POMC: variants seen among roughly 807,000 people sequenced by gnomAD.
POMC encodes the protein proopiomelanocortin.
Under a neutral mutation model 18.5 loss-of-function variants are expected in POMC, and 19 were observed. The observed-to-expected ratio is 1.03, with a 90% confidence interval of 0.72 to 1.51. POMC has a LOEUF of 1.51. Among genes scored for constraint, POMC ranks in the 40% most tolerant of loss-of-function variants. POMC has a pLI of 0.00. For synonymous variants in POMC, 179 were observed against 161.9 expected (o/e 1.11, Z -0.80); for missense variants, 451 against 379.0 (o/e 1.19, Z -1.58).
chr2:25,164,746 C>T lies in POMC; in HGVS notation c.27G>A (p.Ser9=), dbSNP rs1290591900. ...GCAGCAAGGCCAGCAACAGGGCCCC[C>T]GAGCGGCTGCAGCACGATCTCGGCA... MPRSCCSR[S]GALLLALLLQ... Residue 9 remains serine, a synonymous_variant, in exon 2 of 3, where the codon TCG becomes TCA. Coordinates refer to ENST00000395826, the MANE Select transcript of POMC (RefSeq NM_000939.4). The T allele has an allele frequency of 1.1e-5, 18 of 1,614,070 alleles. No individual in the cohort carries two copies. The highest frequency in any genetic ancestry group is 2.2e-5 in the South Asian group (2 of 91,078).
chr2:25,161,289 G>C lies in POMC; in HGVS notation c.596C>G (p.Ala199Gly). Reference sequence around the variant, plus strand: ...GTGCTCCAGGTCGGCCTGGGCCCCTGCGCCGTCATCGGCAGGGCCGTCGGG... The same window carrying C: ...GTGCTCCAGGTCGGCCTGGGCCCCTCCGCCGTCATCGGCAGGGCCGTCGGG... Reference protein sequence around the residue: ...DGPDGPADDGAGAQADLEHSL... With the variant: ...DGPDGPADDGGGAQADLEHSL... Residue 199 changes from alanine to glycine, a missense_variant, in exon 3 of 3, where the codon GCA (alanine) becomes GGA (glycine). By Grantham distance (60) the Ala-to-Gly change is moderately conservative (BLOSUM62 0). Transcript: ENST00000395826. The surrounding 1 kb of genome is among the most constrained non-coding windows in gnomAD (Gnocchi z 5.7). The C allele has an allele frequency of 1.9e-6, 3 of 1,611,360 alleles. No homozygotes were observed.
rs1195265117 is a variant in POMC at position 25,161,683 on chromosome 2, G to T, written c.202C>A (p.Gln68Lys). The change falls in exon 3 of 3, where the codon CAG (glutamine) becomes AAG (lysine). Residue 68 changes from glutamine (Q) to lysine (K), a missense_variant. Gln to Lys is a moderately conservative substitution (Grantham distance 53, BLOSUM62 1). Transcript: ENST00000395826. This position sits in a 1 kb window ranked among gnomAD's most constrained non-coding sequence, Gnocchi z 5.7. ...TPMFPGNGDE[Q>K]PLTENPRKYV... is the part of the protein sequence containing the mutation. ...TTCCGGGGGTTCTCGGTCAGAGGCT[G>T]CTCGTCGCCATTTCCCGGGAACATG... 2 of 1,574,860 alleles carry T rather than the reference G, an allele frequency of 1.3e-6. No individual in the cohort carries two copies. Among genetic ancestry groups the T allele is most frequent in the Non-Finnish European group, 8.6e-7 (1 of 1,161,392 alleles).
Position 25,164,683 on chromosome 2 carries a change from C to T in POMC, c.90G>A (p.Glu30=). The T allele has an allele frequency of 6.2e-7, 1 of 1,614,214 alleles. No individual in the cohort carries two copies. The highest frequency in any genetic ancestry group is 8.5e-7 in the Non-Finnish European group (1 of 1,180,046). Residue 30 remains glutamate, a synonymous_variant, in exon 2 of 3, where the codon GAG becomes GAA. Coordinates refer to ENST00000395826, the MANE Select transcript of POMC (RefSeq NM_000939.4). ...ASMEVRGWCL[E]SSQCQDLTTE... ...TGGTGAGGTCCTGACACTGGCTGCT[C>T]TCCAGGCACCAGCCACGCACTTCCA...
chr2:25,164,568 C>G, intron 2 of POMC, 73 bp downstream of exon 2: 1 of 1,608,152 alleles, frequency 6.2e-7, no homozygotes, highest in South Asian at 1.1e-5. Context: ...TCCCCACACC[C>G]TTTTCTTTTG....
intron 2 of POMC, among the ~76,000 whole-genome samples, chr2:25,163,880 A>C (rs574990704): frequency 3.3e-5 from 5 of 152,204 alleles, no homozygotes; most frequent in African/African-American, 1.2e-4. Context: ...CCACCTTAGC[A>C]TCTAAAAGTG....
intron 2 of POMC, among the ~76,000 whole-genome samples, chr2:25,163,524 T>C (rs1671459961): frequency 6.6e-6 from 1 of 152,226 alleles, no homozygotes; most frequent in Admixed American, 6.5e-5. Context: ...ATTGACAAAA[T>C]ACACAGAATG....
Position 25,161,188 on chromosome 2 carries a change from T to G in POMC, c.697A>C (p.Lys233Gln). Residue 233 changes from lysine (K) to glutamine (Q), a missense_variant, in exon 3 of 3, where the codon AAG (lysine) becomes CAG (glutamine). Lys to Gln is a moderately conservative substitution (Grantham distance 53, BLOSUM62 1). Coordinates refer to ENST00000395826, the MANE Select transcript of POMC (RefSeq NM_000939.4). The surrounding 1 kb of genome is among the most constrained non-coding windows in gnomAD (Gnocchi z 5.7). ...ATGAAACCGCCGTAGCGCTTGTCCT[T>G]GGGCGGGCTGCCCCAGCGGAAGTGC... ...MEHFRWGSPP[K>Q]DKRYGGFMTS... The G allele has an allele frequency of 6.2e-7, 1 of 1,613,740 alleles. No individual in the cohort carries two copies. The highest frequency in any genetic ancestry group is 8.5e-7 in the Non-Finnish European group (1 of 1,179,998).
rs1205408098 is a variant in POMC, at chr2:25,168,215, G to A, written c.-21+283C>T. Among the ~76,000 whole-genome samples the A allele has an allele frequency of 6.6e-6, 1 of 151,926 alleles. No homozygotes were observed. The highest frequency in any genetic ancestry group is 1.5e-5 in the Non-Finnish European group (1 of 68,000). On this transcript the variant is annotated intron_variant, in intron 1 of 2. Coordinates refer to ENST00000395826, the MANE Select transcript of POMC (RefSeq NM_000939.4). This position sits in a 1 kb window ranked among gnomAD's most constrained non-coding sequence, Gnocchi z 5.2. ...TCCTAGCAAGCTCTCGGAGCCTCCG[G>A]ACCGCCGCGAGCCCCTGGGGGAGAG...
In POMC at chr2:25,161,693, A is replaced by G; in HGVS notation, c.192T>C (p.Asn64=). 6 of 1,583,416 alleles carry G rather than the reference A, an allele frequency of 3.8e-6. No individual in the cohort carries two copies. Among genetic ancestry groups the G allele is most frequent in the Non-Finnish European group, 5.1e-6 (6 of 1,166,052 alleles). ...TCTCGGTCAGAGGCTGCTCGTCGCC[A>G]TTTCCCGGGAACATGGGAGTCTCGG... ...LSAETPMFPG[N]GDEQPLTENP... is the part of the protein sequence containing the mutation. The change falls in exon 3 of 3, where the codon AAT becomes AAC. Residue 64 remains asparagine (N), a synonymous_variant. Transcript: ENST00000395826. This position sits in a 1 kb window ranked among gnomAD's most constrained non-coding sequence, Gnocchi z 5.7.
intron 1 of POMC, among the ~76,000 whole-genome samples, chr2:25,165,282 T>C (rs969198851): frequency 6.6e-6 from 1 of 152,240 alleles, no homozygotes; most frequent in Non-Finnish European, 1.5e-5. Flanking sequence ...CTCAAGATGG[T>C]CTTTTCCCTT....
Position 25,161,614 on chromosome 2 carries a change from T to C in POMC, c.271A>G (p.Asn91Asp). 6.4e-7 allele frequency: 1 copy of C among 1,554,412 alleles called. No homozygotes were observed. The highest frequency in any genetic ancestry group is 1.2e-5 in the South Asian group (1 of 84,650). Residue 91 changes from asparagine (N) to aspartate (D), a missense_variant, in exon 3 of 3, where the codon AAC becomes GAC. Physicochemically the swap from Asn to Asp is conservative, Grantham distance 23. Coordinates refer to ENST00000395826, the MANE Select transcript of POMC (RefSeq NM_000939.4). This position sits in a 1 kb window ranked among gnomAD's most constrained non-coding sequence, Gnocchi z 5.7. Reference protein sequence around the residue: ...HFRWDRFGRRNSSSSGSSGAG... With the variant: ...HFRWDRFGRRDSSSSGSSGAG... ...CCGCTGCTGCCGCTGCTGCTGCTGTTGCGGCGGCCGAATCGGTCCCAGCGG... is the reference window on the plus strand; with the variant it reads ...CCGCTGCTGCCGCTGCTGCTGCTGTCGCGGCGGCCGAATCGGTCCCAGCGG...
rs1671403654 is a variant in POMC, at chr2:25,161,876, T to C, written c.133-124A>G. The C allele has an allele frequency of 7.0e-7, 1 of 1,423,318 alleles. No individual in the cohort carries two copies. Among genetic ancestry groups the C allele is most frequent in the South Asian group, 1.5e-5 (1 of 67,730 alleles). 88.2% of individuals were successfully genotyped at this position (1,423,318 alleles called of 1,614,324 possible). Reference sequence around the variant, plus strand: ...CGTGCCGAGGACACAGGGCACAGTGTCGGGCGTGTCAAGCGTCGAGGCCTC... The same window carrying C: ...CGTGCCGAGGACACAGGGCACAGTGCCGGGCGTGTCAAGCGTCGAGGCCTC... On this transcript the variant is annotated intron_variant, in intron 2 of 2. Coordinates refer to ENST00000395826, the MANE Select transcript of POMC (RefSeq NM_000939.4). The surrounding 1 kb of genome is among the most constrained non-coding windows in gnomAD (Gnocchi z 5.7).
chr2:25,164,586 C>T, intron 2 of POMC, 55 bp downstream of exon 2: 6 of 1,612,366 alleles, frequency 3.7e-6, no homozygotes, highest in Non-Finnish European at 5.1e-6. Context: ...TTGAGCTTTC[C>T]CAGCTCCAGT....
chr2:25,161,227 G>T lies in POMC; in HGVS notation c.658C>A (p.Pro220Thr). ...CAGCGGAAGTGCTCCATCCTGTAGG[G>T]GCCCTCGTCCTTCTTCTCGGCCGCC... ...LVAAEKKDEG[P>T]YRMEHFRWGS... The change falls in exon 3 of 3, where the codon CCC (proline) becomes ACC (threonine). Residue 220 changes from proline (P) to threonine (T), a missense_variant. Physicochemically the swap from Pro to Thr is conservative, Grantham distance 38 (BLOSUM62 -1). Coordinates refer to ENST00000395826, the MANE Select transcript of POMC (RefSeq NM_000939.4). This position sits in a 1 kb window ranked among gnomAD's most constrained non-coding sequence, Gnocchi z 5.7. The T allele has an allele frequency of 1.2e-6, 2 of 1,611,750 alleles. No individual in the cohort carries two copies. The highest frequency in any genetic ancestry group is 1.7e-6 in the Non-Finnish European group (2 of 1,179,158).
At position 25,161,322 on chromosome 2, in the gene POMC, C is replaced by A; in HGVS notation, c.563G>T (p.Gly188Val). The A allele has an allele frequency of 6.2e-7, 1 of 1,607,496 alleles. No individual in the cohort carries two copies. Among genetic ancestry groups the A allele is most frequent in the Non-Finnish European group, 8.5e-7 (1 of 1,177,358 alleles). The change falls in exon 3 of 3, where the codon GGA becomes GTA. Residue 188 changes from glycine to valine, a missense_variant. Coordinates refer to ENST00000395826, the MANE Select transcript of POMC (RefSeq NM_000939.4). The surrounding 1 kb of genome is among the most constrained non-coding windows in gnomAD (Gnocchi z 5.7). ...ATCGGCAGGGCCGTCGGGGCCATCT[C>A]CCTCCCGGAGTCGCTGGCCAGTCAG... Reference protein sequence around the residue: ...RELTGQRLREGDGPDGPADDG... With the variant: ...RELTGQRLREVDGPDGPADDG...
intron 1 of POMC, among the ~76,000 whole-genome samples, chr2:25,167,489 G>A (rs1158077779): frequency 1.3e-5 from 2 of 152,002 alleles, no homozygotes; most frequent in Non-Finnish European, 2.9e-5. Flanking sequence ...GCCATAAACC[G>A]TCCACCCCGG....
At chr2:25,166,445 A>G (rs757740547) in intron 1 of POMC, among the ~76,000 whole-genome samples, 4 of 152,246 alleles carry the variant, frequency 2.6e-5, no homozygotes, top group Non-Finnish European at 5.9e-5. Context: ...AGCTCTGAAA[A>G]ATGCCCAGAT....
rs769818112 is a variant in POMC at position 25,161,039 on chromosome 2, C to T, written c.*42G>A. The T allele has an allele frequency of 1.2e-6, 2 of 1,613,070 alleles. No homozygotes were observed. The highest frequency in any genetic ancestry group is 1.7e-6 in the Non-Finnish European group (2 of 1,179,808). On this transcript the variant is annotated 3_prime_UTR_variant, in exon 3 of 3. Transcript: ENST00000395826. The surrounding 1 kb of genome is among the most constrained non-coding windows in gnomAD (Gnocchi z 5.7). ...AGGGGAGAGCAAGGGGCTTTGGGGT[C>T]GACCTCCTGGGGGAGGGTAGCCCTG...
rs768299768 is a variant in POMC, at chr2:25,161,505, C to A, written c.380G>T (p.Gly127Val). The A allele has an allele frequency of 1.2e-6, 2 of 1,600,666 alleles. No homozygotes were observed. Among genetic ancestry groups the A allele is most frequent in the Admixed American group, 1.7e-5 (1 of 58,900 alleles). ...GCCCTCGCGCGGGCCCGGCTTGGCA[C>A]CATCGCTGCGGGGCTCGGGGCCGCC... ...PEGGPEPRSD[G>V]AKPGPREGKR... Residue 127 changes from glycine (G) to valine (V), a missense_variant, in exon 3 of 3, where the codon GGT becomes GTT. Physicochemically the swap from Gly to Val is moderately radical, Grantham distance 109. Transcript: ENST00000395826. This position sits in a 1 kb window ranked among gnomAD's most constrained non-coding sequence, Gnocchi z 5.7.
Sources: gnomAD v4.1 joint callset for allele counts (sites outside exome capture counted in the v4.1 genomes callset) on GRCh38, gnomAD v4.1.1 for gene constraint, Gnocchi (gnomAD v3.1) non-coding constraint, MANE v1.5 for transcripts, NCBI Gene and HGNC (gene_info 2026-07-23, HGNC 2026-07-21) for gene names.